GAD2: variants seen among roughly 807,000 people sequenced by gnomAD.
GAD2 encodes 65 kDa glutamic acid decarboxylase.
A neutral mutation model predicts 80.1 loss-of-function variants in GAD2; 22 were observed. The ratio of observed to expected loss-of-function variants is 0.27; its 90% CI spans 0.20 to 0.39. The LOEUF is 0.39. GAD2 is among the 10% of genes least tolerant of loss of function. The pLI is 1.00. For missense variants in GAD2, 624 were observed against 738.4 expected (o/e 0.85, Z 1.80); for synonymous variants, 274 against 256.9 (o/e 1.07, Z -0.64).
intron 3 of GAD2, chr10:26,218,306 C>T (rs984891382): frequency 4.4e-5 from 13 of 297,368 alleles, no homozygotes; most frequent in Non-Finnish European, 6.1e-5. Flanking sequence ...GCTGGCTTCC[C>T]TAGGCCGCTG....
chr10:26,244,320 T>G lies in GAD2; in HGVS notation c.841-1601T>G, dbSNP rs150173920. On this transcript the variant is annotated intron_variant, in intron 7 of 15. Coordinates refer to ENST00000376261, the MANE Select transcript of GAD2 (RefSeq NM_001134366.2). ...GGTACCGCCATGATGGAGCACTGTA[T>G]GGATGTTCTTCCAAAAGTTAAAAAT... 7.0e-3 allele frequency among the ~76,000 whole-genome samples: 1,073 copies of G among 152,326 alleles called. 9 individuals carry two copies. The highest frequency in any genetic ancestry group is 0.031 in the Middle Eastern group (9 of 294).
chr10:26,273,432 C>T (rs1845161295), intron 10 of GAD2, among the ~76,000 whole-genome samples: 1 of 152,162 alleles, frequency 6.6e-6, no homozygotes. Context: ...CAAGGTGGCT[C>T]CTTACACCCA....
chr10:26,265,303 A>G (rs1159427604), intron 8 of GAD2, among the ~76,000 whole-genome samples: 1 of 151,646 alleles, frequency 6.6e-6, no homozygotes, highest in Admixed American at 6.6e-5. Flanking sequence ...TCCCGGGTTC[A>G]AGCAATTCTC....
intron 13 of GAD2, among the ~76,000 whole-genome samples, chr10:26,288,585 G>A (rs1238343346): frequency 6.6e-6 from 1 of 152,024 alleles, no homozygotes; most frequent in East Asian, 1.9e-4. Flanking sequence ...AAATGAGCAG[G>A]GTTTTCATTT....
intron 7 of GAD2, among the ~76,000 whole-genome samples, chr10:26,230,899 C>A (rs1589138494): frequency 6.6e-6 from 1 of 152,056 alleles, no homozygotes; most frequent in Middle Eastern, 3.4e-3. Context: ...ACCAGCCTGA[C>A]CAACATGGTG....
rs1421796391 is a variant in GAD2 at position 26,276,616 on chromosome 10, G to GGCCGC, written c.1157+2916_1157+2917insGCCGC. 8.7e-4 allele frequency among the ~76,000 whole-genome samples: 133 copies of GGCCGC among 152,154 alleles called. 1 individual carries two copies. The highest frequency in any genetic ancestry group is 1.8e-3 in the Non-Finnish European group (120 of 68,032). ...TTGGCCAGGCTGGTCTTGAACTCCT[G>GGCCGC]ACCTCAAGTGATCCGCTCGCCTCGG... On this transcript the variant is annotated intron_variant, in intron 11 of 15. Coordinates refer to ENST00000376261, the MANE Select transcript of GAD2 (RefSeq NM_001134366.2).
rs956673253 is a variant in GAD2, at chr10:26,302,826, A to G, written c.*1865A>G. 2 of 152,248 alleles carry G rather than the reference A, an allele frequency of 1.3e-5. No individual in the cohort carries two copies. The highest frequency in any genetic ancestry group is 3.8e-4 in the East Asian group (2 of 5,200). The allele number at this position is 152,248 out of a possible 1,614,324, so 9.4% of individuals were successfully genotyped here. A position where few individuals can be genotyped will look rare whatever the true frequency, so the allele number is the denominator to read the frequency against. ...GTCTAGAAAAACAAATGGGTTCACT[A>G]TGACAATCAGAAATAAACTCTTTCA... On this transcript the variant is annotated 3_prime_UTR_variant, in exon 16 of 16. Coordinates refer to ENST00000376261, the MANE Select transcript of GAD2 (RefSeq NM_001134366.2).
intron 7 of GAD2, among the ~76,000 whole-genome samples, chr10:26,237,998 T>TCACA (rs775490775): frequency 1.4e-3 from 167 of 117,680 alleles, no homozygotes; most frequent in African/African-American, 5.6e-3. Context: ...CGAGACTCCA[T>TCACA]CACACAGACA....
intron 8 of GAD2, among the ~76,000 whole-genome samples, chr10:26,253,455 A>G (rs775384019): frequency 8.5e-5 from 13 of 152,248 alleles, no homozygotes; most frequent in Non-Finnish European, 1.5e-4. Context: ...ATTAATATAG[A>G]GAGGAAAATA....
At chr10:26,292,602 A>G (rs1207319741) in intron 14 of GAD2, 30 bp downstream of exon 14, 1 of 1,519,164 alleles carries the variant, frequency 6.6e-7, no homozygotes. Context: ...CAATCTCAGA[A>G]AGTTTAGTCA....
chr10:26,280,946 T>A, intron 11 of GAD2, 63 bp from the exon 12 acceptor site: 1 of 1,021,978 alleles, frequency 9.8e-7, no homozygotes, highest in Non-Finnish European at 1.6e-6. Context: ...TGAAGCTCAG[T>A]TGCGCATGCC....
intron 7 of GAD2, among the ~76,000 whole-genome samples, chr10:26,230,340 A>G (rs1844585715): frequency 6.6e-6 from 1 of 152,230 alleles, no homozygotes; most frequent in South Asian, 2.1e-4. Context: ...GCAAAACTCC[A>G]GAGGAGCCTT....
At chr10:26,239,766 G>C (rs1844718166) in intron 7 of GAD2, among the ~76,000 whole-genome samples, 1 of 152,204 alleles carries the variant, frequency 6.6e-6, no homozygotes, top group African/African-American at 2.4e-5. Flanking sequence ...AGGGAACCAT[G>C]TAAGTATTTG....
Position 26,301,207 on chromosome 10 carries a change from G to A in GAD2, c.*246G>A, listed in dbSNP as rs927555389. 6 of 418,382 alleles carry A rather than the reference G, an allele frequency of 1.4e-5. No homozygotes were observed. Among genetic ancestry groups the A allele is most frequent in the African/African-American group, 9.9e-5 (5 of 50,342 alleles). The allele number at this position is 418,382 out of a possible 1,614,324, so 25.9% of individuals were successfully genotyped here. A position where few individuals can be genotyped will look rare whatever the true frequency, so the allele number is the denominator to read the frequency against. The stretch of plus-strand genomic sequence containing the variant: ...AATCAATAAGGAAAAGCTTAAAATT[G>A]TTATAAATACTTCCCTTACTTTTAA... On this transcript the variant is annotated 3_prime_UTR_variant, in exon 16 of 16. Transcript: ENST00000376261.
intron 7 of GAD2, among the ~76,000 whole-genome samples, chr10:26,244,014 C>T (rs1271931745): frequency 6.6e-6 from 1 of 152,106 alleles, no homozygotes; most frequent in East Asian, 1.9e-4. Flanking sequence ...CCTCAAAAAT[C>T]TCAACAAGAA....
chr10:26,237,466 G>A (rs532408645), intron 7 of GAD2, among the ~76,000 whole-genome samples: 96 of 152,086 alleles, frequency 6.3e-4, no homozygotes, highest in African/African-American at 1.5e-3. Context: ...AGTGCACTGC[G>A]CATGGCTCTC....
chr10:26,243,664 G>A (rs1432037407), intron 7 of GAD2, among the ~76,000 whole-genome samples: 1 of 152,180 alleles, frequency 6.6e-6, no homozygotes, highest in Non-Finnish European at 1.5e-5. Context: ...TTCTGTACAC[G>A]CAGACAAGTC....
chr10:26,254,208 TTTA>T (rs1844917191), intron 8 of GAD2, among the ~76,000 whole-genome samples: 1 of 152,160 alleles, frequency 6.6e-6, no homozygotes, highest in Admixed American at 6.5e-5. Flanking sequence ...GGCTAATTTT[TTTA>T]TTTTTAGTGG....
chr10:26,270,381 G>A (rs1388324582), intron 9 of GAD2, among the ~76,000 whole-genome samples: 3 of 152,164 alleles, frequency 2.0e-5, no homozygotes, highest in African/African-American at 7.2e-5. Context: ...CAGCCTCTGG[G>A]TTCACTACAG....
Sources: allele counts gnomAD v4.1 joint callset (sites outside exome capture counted in the v4.1 genomes callset), GRCh38; gene constraint gnomAD v4.1.1; transcripts MANE v1.5; gene names NCBI Gene and HGNC (gene_info 2026-07-23, HGNC 2026-07-21).